The following PTGS2 variants were observed in gnomAD, a reference collection of about 807,000 sequenced individuals.
The protein encoded by PTGS2 is prostaglandin G/H synthase 2.
A neutral mutation model predicts 63.8 loss-of-function variants in PTGS2; 14 were observed. That is an observed-to-expected ratio of 0.22 (90% CI 0.14 to 0.34). The LOEUF (loss-of-function observed/expected upper bound fraction) is 0.34, where lower values mean the gene tolerates loss of function less well. Ranked by LOEUF, PTGS2 falls within the 10% of genes least tolerant of loss-of-function variation. The probability of loss-of-function intolerance (pLI) is 1.00; values close to 1 mark genes in which losing one functional copy is unlikely to be tolerated. For missense variants in PTGS2, 533 were observed against 738.5 expected, an observed-to-expected ratio of 0.72 and a Z score of 3.23; for synonymous variants, 271 against 259.5, an observed-to-expected ratio of 1.04 and a Z score of -0.43.
rs201480185 is a variant in PTGS2 at position 186,680,364 on chromosome 1, G to C, written c.-74C>G. 3.3e-6 allele frequency: 4 copies of C among 1,214,892 alleles called. No individual in the cohort carries two copies. Among genetic ancestry groups the C allele is most frequent in the East Asian group, 2.6e-5 (1 of 38,316 alleles). 75.3% of individuals were successfully genotyped at this position (1,214,892 alleles called of 1,614,324 possible). On this transcript the variant is annotated 5_prime_UTR_variant, in exon 1 of 10. Transcript: ENST00000367468. Reference sequence around the variant, plus strand: ...GGCGTCTGGCTGTGGAGCTGAAGGAGGCGCTGCTGAGGAGTTCCTGGACGT... The same window carrying C: ...GGCGTCTGGCTGTGGAGCTGAAGGACGCGCTGCTGAGGAGTTCCTGGACGT...
rs113771132 is a variant in PTGS2 at position 186,676,642 on chromosome 1, G to T, written c.795C>A (p.Val265=). The stretch of plus-strand genomic sequence containing the variant: ...CCACAGCAAACCGTAGATGCTCAGG[G>T]ACTTGAGGAGGGTAGATCATCTCTG... The part of the protein sequence containing the change: ...TQAEMIYPPQ[V]PEHLRFAVGQ... The change falls in exon 7 of 10, where the codon GTC becomes GTA. Residue 265 remains valine (V), a synonymous_variant. Transcript: ENST00000367468. 1 of 1,613,960 alleles carries T rather than the reference G, an allele frequency of 6.2e-7. No individual in the cohort carries two copies. The highest frequency in any genetic ancestry group is 1.3e-5 in the African/African-American group (1 of 74,872).
chr1:186,680,147 C>T lies in PTGS2; in HGVS notation c.52+92G>A, dbSNP rs542749388. ...GTAGCTTCTCTATTCGGAGAGAAGT[C>T]GGAGTACTGGGATAGACCCAGGAGG... On this transcript the variant is annotated intron_variant, in intron 1 of 9. Coordinates refer to ENST00000367468, the MANE Select transcript of PTGS2 (RefSeq NM_000963.4). The T allele has an allele frequency of 1.6e-5, 25 of 1,525,890 alleles. No homozygotes were observed. The South Asian group carries it at 2.8e-4, about 17-fold the overall frequency. 94.5% of individuals were successfully genotyped at this position (1,525,890 alleles called of 1,614,324 possible).
rs187958342 is a variant in PTGS2, at chr1:186,672,787, G to T, written c.*1566C>A. ...CAAACCCCGTACAGTTCTCTCTGAG[G>T]CACTAGCCTCTTTGCATCCATCTTG... is the stretch of plus-strand genomic sequence containing the variant. On this transcript the variant is annotated 3_prime_UTR_variant, in exon 10 of 10. Transcript: ENST00000367468. 17 of 152,660 alleles carry T rather than the reference G, an allele frequency of 1.1e-4. No individual in the cohort carries two copies. Among genetic ancestry groups the T allele is most frequent in the African/African-American group, 4.1e-4 (17 of 41,568 alleles). The allele number at this position is 152,660 out of a possible 1,614,324, so 9.5% of individuals were successfully genotyped here.
chr1:186,674,232 G>T lies in PTGS2; in HGVS notation c.*121C>A. 1 of 588,998 alleles carries T rather than the reference G, an allele frequency of 1.7e-6. No homozygotes were observed. Among genetic ancestry groups the T allele is most frequent in the Non-Finnish European group, 2.5e-6 (1 of 407,566 alleles). 36.5% of individuals were successfully genotyped at this position (588,998 alleles called of 1,614,324 possible). On this transcript the variant is annotated 3_prime_UTR_variant, in exon 10 of 10. Transcript: ENST00000367468. ...AAGTATGACTCCTTTCTCCGCAACA[G>T]GAGTACTGACTTCTGTTACAGAAGA... is the stretch of plus-strand genomic sequence containing the variant.
At chr1:186,675,793 ATAAC>A in intron 8 of PTGS2, 101 bp downstream of exon 8, 3 of 1,169,706 alleles carry the variant, frequency 2.6e-6, no homozygotes, top group African/African-American at 1.6e-5. Context: ...TACTAGCAAT[ATAAC>A]TAACTACTCT....
intron 2 of PTGS2, 30 bp downstream of exon 2, chr1:186,679,292 C>T: frequency 6.2e-7 from 1 of 1,613,058 alleles, no homozygotes; most frequent in South Asian, 1.1e-5. Flanking sequence ...CAGCCCCACT[C>T]CTAATGAGGC....
chr1:186,678,981 T>C lies in PTGS2; in HGVS notation c.313+77A>G, dbSNP rs1194927527. Reference sequence around the variant, plus strand: ...TTTGATAAGCTTGGAAATATGTTTTTAGATTAGGCTTACAGTATTATAAAG... The same window carrying C: ...TTTGATAAGCTTGGAAATATGTTTTCAGATTAGGCTTACAGTATTATAAAG... On this transcript the variant is annotated intron_variant, in intron 3 of 9. Transcript: ENST00000367468. 6 of 1,465,238 alleles carry C rather than the reference T, an allele frequency of 4.1e-6. No individual in the cohort carries two copies. The Admixed American group carries it at 1.4e-4, about 34-fold the overall frequency. 90.8% of individuals were successfully genotyped at this position (1,465,238 alleles called of 1,614,324 possible).
intron 3 of PTGS2, among the ~76,000 whole-genome samples, chr1:186,678,708 GAAAGTTAT>G: frequency 6.6e-6 from 1 of 152,278 alleles, no homozygotes; most frequent in East Asian, 1.9e-4. Flanking sequence ...TAGAATCATG[GAAAGTTAT>G]TTTCTTGCTG....
chr1:186,678,484 G>A, intron 3 of PTGS2, 80 bp from the exon 4 acceptor site: 20 of 1,316,674 alleles, frequency 1.5e-5, no homozygotes, highest in Middle Eastern at 2.5e-4. Context: ...TGTAAAATGT[G>A]GAAAGTGGCA....
intron 6 of PTGS2, 21 bp downstream of exon 6, chr1:186,676,812 T>G (rs199862217): frequency 1.2e-6 from 2 of 1,607,850 alleles, no homozygotes; most frequent in Non-Finnish European, 8.5e-7. Flanking sequence ...AACTAAGTCT[T>G]AATAGTCAAA....
chr1:186,675,724 A>G lies in PTGS2; in HGVS notation c.1257+174T>C, dbSNP rs538723499. ...GCTATTTGTCTGACAACTGTAGACT[A>G]GACTAAAAGTTTAGACTTTTCAAAC... On this transcript the variant is annotated intron_variant, in intron 8 of 9. Transcript: ENST00000367468. The G allele has an allele frequency of 3.4e-4, 248 of 738,752 alleles. 7 individuals are homozygous for G. In the South Asian group the frequency reaches 5.3e-3, roughly 16 times the overall value. The allele number at this position is 738,752 out of a possible 1,614,324, so 45.8% of individuals were successfully genotyped here.
chr1:186,673,864 T>C lies in PTGS2; in HGVS notation c.*489A>G, dbSNP rs201419014. ...AGTAGACATGAAATTACTGGTAATG[T>C]CTAATTTAAATATTCATTTAATAAT... On this transcript the variant is annotated 3_prime_UTR_variant, in exon 10 of 10. Coordinates refer to ENST00000367468, the MANE Select transcript of PTGS2 (RefSeq NM_000963.4). 7.9e-5 allele frequency: 12 copies of C among 152,276 alleles called. No individual in the cohort carries two copies. Among genetic ancestry groups the C allele is most frequent in the Admixed American group, 1.3e-4 (2 of 15,292 alleles). The allele number at this position is 152,276 out of a possible 1,614,324, so 9.4% of individuals were successfully genotyped here.
At chr1:186,675,812 G>A in intron 8 of PTGS2, 86 bp downstream of exon 8, 1 of 1,318,942 alleles carries the variant, frequency 7.6e-7, no homozygotes. Flanking sequence ...TACTCTTTTA[G>A]TAAGTTTAAG....
intron 1 of PTGS2, 94 bp downstream of exon 1, chr1:186,680,145 G>A: frequency 6.6e-7 from 1 of 1,523,636 alleles, no homozygotes. Flanking sequence ...TCGGAGAGAA[G>A]TCGGAGTACT....
intron 5 of PTGS2, 30 bp downstream of exon 5, chr1:186,677,619 A>G (rs770463603): frequency 2.0e-6 from 3 of 1,532,290 alleles, no homozygotes; most frequent in Non-Finnish European, 8.8e-7. Flanking sequence ...GTATAATTTT[A>G]CTAACTCTAA....
Position 186,674,413 on chromosome 1 carries a change from G to A in PTGS2, c.1755C>T (p.Arg585=), listed in dbSNP as rs5274. 1.2e-6 allele frequency: 2 copies of A among 1,613,870 alleles called. No individual in the cohort carries two copies. The highest frequency in any genetic ancestry group is 3.3e-5 in the Admixed American group (2 of 59,998). Residue 585 remains arginine, a synonymous_variant, in exon 10 of 10, where the codon CGC becomes CGT. Coordinates refer to ENST00000367468, the MANE Select transcript of PTGS2 (RefSeq NM_000963.4). ...TGGGATTGATATCATCTAGTCCGGA[G>A]CGGGAAGAACTTGCATTGATGGTGA... ...KTVTINASSS[R]SGLDDINPTV...
intron 3 of PTGS2, among the ~76,000 whole-genome samples, chr1:186,678,691 C>T (rs1665824467): frequency 6.6e-6 from 1 of 152,156 alleles, no homozygotes; most frequent in African/African-American, 2.4e-5. Flanking sequence ...GAGTATGGCA[C>T]CCACTTTAGA....
intron 5 of PTGS2, among the ~76,000 whole-genome samples, 192 bp downstream of exon 5, chr1:186,677,457 T>C (rs1463871771): frequency 8.3e-6 from 1 of 120,246 alleles, no homozygotes; most frequent in East Asian, 2.1e-4. Flanking sequence ...TGCATGTCTG[T>C]GTGTGTGTAT....
In PTGS2 at chr1:186,679,211, G is replaced by C. The variant is rs201194235; in HGVS notation, c.170-10C>G. 1.2e-6 allele frequency: 2 copies of C among 1,613,206 alleles called. No individual in the cohort carries two copies. The highest frequency in any genetic ancestry group is 1.7e-6 in the Non-Finnish European group (2 of 1,179,606). On this transcript the variant is annotated splice_polypyrimidine_tract_variant and intron_variant, in intron 2 of 9. Coordinates refer to ENST00000367468, the MANE Select transcript of PTGS2 (RefSeq NM_000963.4). ...CTTGTCAAAAATTCCGCTGCAAGAA[G>C]ACGAAGAAAGGGAGGGAGAAATTAA...
Sources: gnomAD v4.1 joint callset for allele counts (sites outside exome capture counted in the v4.1 genomes callset) on GRCh38, gnomAD v4.1.1 for gene constraint, MANE v1.5 for transcripts, NCBI Gene and HGNC (gene_info 2026-07-23, HGNC 2026-07-21) for gene names.